C12orf42: variants seen among roughly 807,000 people sequenced by gnomAD.
C12orf42 encodes chromosome 12 open reading frame 42, also known as uncharacterized protein C12orf42.
C12orf42 carries 25 observed loss-of-function variants against 21.6 expected under a neutral mutation model. That is an observed-to-expected ratio of 1.16 (90% CI 0.84 to 1.62). C12orf42 has a LOEUF of 1.62. Among genes scored for constraint, C12orf42 ranks in the 40% most tolerant of loss-of-function variants. The probability of loss-of-function intolerance (pLI) is 0.00; values close to 1 mark genes in which losing one functional copy is unlikely to be tolerated. For synonymous variants in C12orf42, 174 were observed against 175.0 expected (o/e 0.99, Z 0.05); for missense variants, 483 against 459.3 (o/e 1.05, Z -0.47).
At chr12:103,062,672 G>C in the C12orf42 span, among the ~76,000 whole-genome samples, 3 of 152,018 alleles carry the variant, frequency 2.0e-5, no homozygotes, top group Non-Finnish European at 4.4e-5. Flanking sequence ...TAAAATTTTT[G>C]TTTGAATTTT....
At chr12:103,186,867 G>A in the C12orf42 span, among the ~76,000 whole-genome samples, 1 of 152,058 alleles carries the variant, frequency 6.6e-6, no homozygotes, top group Non-Finnish European at 1.5e-5. Context: ...GGAAACTAAA[G>A]CCAAAGAGAG....
At chr12:103,083,793 A>C in the C12orf42 span, among the ~76,000 whole-genome samples, 1 of 152,202 alleles carries the variant, frequency 6.6e-6, no homozygotes, top group African/African-American at 2.4e-5. Flanking sequence ...GAAGTATGCA[A>C]AATTTTTATT....
At chr12:103,072,027 A>T in the C12orf42 span, among the ~76,000 whole-genome samples, 433 of 152,270 alleles carry the variant, frequency 2.8e-3, 2 homozygotes, top group African/African-American at 9.5e-3. Flanking sequence ...TCCTGCTAAC[A>T]TCTAGAGCTC....
At chr12:103,216,883 C>T in the C12orf42 span, among the ~76,000 whole-genome samples, 1 of 152,028 alleles carries the variant, frequency 6.6e-6, no homozygotes, top group Non-Finnish European at 1.5e-5. Context: ...CGCTCTGTGG[C>T]CCAGGCTGGA....
intron 4 of C12orf42, among the ~76,000 whole-genome samples, chr12:103,279,319 G>A (rs982036276): frequency 6.6e-6 from 1 of 152,110 alleles, no homozygotes; most frequent in African/African-American, 2.4e-5. Context: ...TTCCTCAGAT[G>A]TATGCATGTA....
chr12:103,385,152 C>G (rs985201643), intron 3 of C12orf42, among the ~76,000 whole-genome samples: 1 of 152,178 alleles, frequency 6.6e-6, no homozygotes, highest in Non-Finnish European at 1.5e-5. Context: ...AATACATCCA[C>G]GTTTCATTTT....
At chr12:103,551,542 C>T in the C12orf42 span, among the ~76,000 whole-genome samples, 1 of 152,054 alleles carries the variant, frequency 6.6e-6, no homozygotes, top group Non-Finnish European at 1.5e-5. Context: ...AAAGGCTGGG[C>T]TTGGTGACTC....
chr12:103,540,888 G>C, the C12orf42 span, among the ~76,000 whole-genome samples: 1 of 152,048 alleles, frequency 6.6e-6, no homozygotes, highest in Admixed American at 6.6e-5. Context: ...TGAATTGAAT[G>C]AATTTTCTTT....
intron 1 of C12orf42, among the ~76,000 whole-genome samples, chr12:103,487,971 G>A (rs373978174): frequency 6.6e-6 from 1 of 152,112 alleles, no homozygotes; most frequent in African/African-American, 2.4e-5. Context: ...GGTTAATATT[G>A]TTATGTGTGA....
the C12orf42 span, among the ~76,000 whole-genome samples, chr12:103,158,325 G>C: frequency 6.6e-6 from 1 of 152,120 alleles, no homozygotes; most frequent in South Asian, 2.1e-4. Context: ...CCATGGGTCT[G>C]TTTCTCACAA....
chr12:103,521,317 G>C, the C12orf42 span, among the ~76,000 whole-genome samples: 5 of 152,240 alleles, frequency 3.3e-5, no homozygotes, highest in East Asian at 9.6e-4. Context: ...ATGATAGACT[G>C]GATTAAGAGG....
At chr12:103,489,456 C>A (rs558942302) in intron 1 of C12orf42, among the ~76,000 whole-genome samples, 7 of 152,344 alleles carry the variant, frequency 4.6e-5, no homozygotes, top group African/African-American at 1.7e-4. Context: ...GCTCAAACAC[C>A]GTGCTGGGAG....
At chr12:103,072,504 T>C in the C12orf42 span, among the ~76,000 whole-genome samples, 1 of 152,080 alleles carries the variant, frequency 6.6e-6, no homozygotes, top group African/African-American at 2.4e-5. Context: ...TATCATCTCC[T>C]GAAATAGGCA....
chr12:103,054,936 G>C, the C12orf42 span, among the ~76,000 whole-genome samples: 1 of 151,828 alleles, frequency 6.6e-6, no homozygotes, highest in Non-Finnish European at 1.5e-5. Flanking sequence ...CTTGGTCATA[G>C]TGTGTCATTC....
the C12orf42 span, among the ~76,000 whole-genome samples, chr12:103,188,613 T>C: frequency 6.6e-6 from 1 of 152,174 alleles, no homozygotes; most frequent in East Asian, 1.9e-4. Flanking sequence ...AATGGCTTGG[T>C]GATATCCACA....
At chr12:103,528,061 A>G in the C12orf42 span, among the ~76,000 whole-genome samples, 9 of 152,218 alleles carry the variant, frequency 5.9e-5, no homozygotes, top group Admixed American at 5.9e-4. Flanking sequence ...TATAGACTTT[A>G]GTTATACTTC....
chr12:103,444,380 A>G (rs780849681), intron 2 of C12orf42, among the ~76,000 whole-genome samples: 25 of 152,258 alleles, frequency 1.6e-4, no homozygotes, highest in Non-Finnish European at 3.1e-4. Flanking sequence ...AAGTAAAATT[A>G]GAAGCATTTT....
At chr12:103,186,111 A>G in the C12orf42 span, among the ~76,000 whole-genome samples, 3 of 152,206 alleles carry the variant, frequency 2.0e-5, no homozygotes, top group East Asian at 5.8e-4. Context: ...AAAAGAAGTT[A>G]TTAATACTTC....
At chr12:103,074,578 T>A in the C12orf42 span, among the ~76,000 whole-genome samples, 1,320 of 152,190 alleles carry the variant, frequency 8.7e-3, 11 homozygotes, top group Non-Finnish European at 0.011. Flanking sequence ...ACAAAAAGAC[T>A]CCTATTAAGG....
Sources: allele counts gnomAD v4.1 joint callset (sites outside exome capture counted in the v4.1 genomes callset), GRCh38; gene constraint gnomAD v4.1.1; transcripts MANE v1.5; gene names NCBI Gene and HGNC (gene_info 2026-07-23, HGNC 2026-07-21).